Variants in ASIC2 observed in about 807,000 individuals in gnomAD.
The protein encoded by ASIC2 is acid sensing ion channel subunit 2, also known as acid-sensing ion channel 2.
Under a neutral mutation model 57.3 loss-of-function variants are expected in ASIC2, and 25 were observed. The ratio of observed to expected loss-of-function variants is 0.44; its 90% CI spans 0.32 to 0.61. The LOEUF (loss-of-function observed/expected upper bound fraction) is 0.61, where lower values mean the gene tolerates loss of function less well. Among genes scored for constraint, ASIC2 ranks in the 20% least tolerant of loss-of-function variants. ASIC2 has a pLI of 0.06. For missense variants in ASIC2, 641 were observed against 738.1 expected (o/e 0.87, Z 1.52); for synonymous variants, 319 against 307.5 (o/e 1.04, Z -0.39).
chr17:33,084,009 C>T (rs1340531564), intron 3 of ASIC2, among the ~76,000 whole-genome samples: 1 of 152,140 alleles, frequency 6.6e-6, no homozygotes, highest in Non-Finnish European at 1.5e-5. Flanking sequence ...CAGATTCTGC[C>T]TCCCAGAGCT....
chr17:33,301,316 C>T (rs369153371), intron 1 of ASIC2, among the ~76,000 whole-genome samples: 1 of 152,010 alleles, frequency 6.6e-6, no homozygotes. Context: ...GCTAGGATTG[C>T]AGGTGTGAGC....
intron 1 of ASIC2, chr17:34,039,807 TCCAGTAAACCTGG>T: frequency 6.2e-7 from 1 of 1,609,716 alleles, no homozygotes; most frequent in Non-Finnish European, 8.5e-7. Flanking sequence ...TAACACCTAC[TCCAGTAAACCTGG>T]CCTCCAATAA....
At chr17:33,863,253 C>G (rs1328339517) in intron 1 of ASIC2, among the ~76,000 whole-genome samples, 1 of 152,226 alleles carries the variant, frequency 6.6e-6, no homozygotes, top group Non-Finnish European at 1.5e-5. Flanking sequence ...GGAGAGAAGA[C>G]TTTATCAGGT....
chr17:33,170,254 C>A (rs182945303), intron 1 of ASIC2, among the ~76,000 whole-genome samples: 2 of 152,174 alleles, frequency 1.3e-5, no homozygotes, highest in East Asian at 1.9e-4. Flanking sequence ...GTGGCAGGAC[C>A]CTGATTCACA....
chr17:33,235,464 C>T (rs1908259872), intron 1 of ASIC2, among the ~76,000 whole-genome samples: 2 of 152,296 alleles, frequency 1.3e-5, no homozygotes, highest in African/African-American at 4.8e-5. Context: ...CTAATTCCAC[C>T]TCAAATCATT....
chr17:33,274,145 G>C (rs1497358), intron 1 of ASIC2, among the ~76,000 whole-genome samples: 51,027 of 152,082 alleles, frequency 0.34, 8,727 homozygotes, highest in Admixed American at 0.41. Context: ...TGACCACATT[G>C]AGCATCTGTT....
intron 1 of ASIC2, among the ~76,000 whole-genome samples, chr17:33,202,484 G>A (rs987192153): frequency 6.6e-6 from 1 of 152,112 alleles, no homozygotes; most frequent in South Asian, 2.1e-4. Flanking sequence ...GAGATTGTCC[G>A]CCCCATCTGG....
At chr17:33,895,024 C>T (rs413980) in intron 1 of ASIC2, among the ~76,000 whole-genome samples, 5 of 152,048 alleles carry the variant, frequency 3.3e-5, no homozygotes, top group East Asian at 3.9e-4. Context: ...TTTGACGTTG[C>T]GCTGCTGGGT....
chr17:33,635,391 T>C (rs1446588696), intron 1 of ASIC2, among the ~76,000 whole-genome samples: 2 of 152,220 alleles, frequency 1.3e-5, no homozygotes, highest in African/African-American at 2.4e-5. Flanking sequence ...TCGACTATTA[T>C]CTCACGGCTG....
At position 33,292,424 on chromosome 17, in the gene ASIC2, C is replaced by G; in HGVS notation, c.-309G>C. On this transcript the variant is annotated 5_prime_UTR_variant, in exon 1 of 10. Transcript: ENST00000225823. ...GGAGGATGCCCGGCGCCCGGCACTA[C>G]TTCTGGAGGGGTCCCACTGGGAGCC... 1.0e-6 allele frequency: 1 copy of G among 985,776 alleles called. No individual in the cohort carries two copies. The highest frequency in any genetic ancestry group is 1.2e-6 in the Non-Finnish European group (1 of 830,288). 61.1% of individuals were successfully genotyped at this position (985,776 alleles called of 1,614,324 possible). A position where few individuals can be genotyped will look rare whatever the true frequency, so the allele number is the denominator to read the frequency against.
chr17:33,109,763 A>G (rs2092249242), intron 2 of ASIC2, among the ~76,000 whole-genome samples: 2 of 152,150 alleles, frequency 1.3e-5, no homozygotes, highest in Admixed American at 6.5e-5. Context: ...GGGTCCAAAA[A>G]CTTGGGTCAG....
intron 1 of ASIC2, among the ~76,000 whole-genome samples, chr17:33,431,237 C>T (rs1457556752): frequency 2.6e-5 from 4 of 152,106 alleles, no homozygotes; most frequent in African/African-American, 7.2e-5. Flanking sequence ...ACCAGGAGTA[C>T]CCCATCCAGA....
chr17:33,065,894 G>A (rs17735400), intron 3 of ASIC2, among the ~76,000 whole-genome samples: 3,984 of 152,226 alleles, frequency 0.026, 61 homozygotes, highest in Middle Eastern at 0.048. Flanking sequence ...CCACTTTGAC[G>A]GATGAGGCCC....
At chr17:33,438,391 G>A (rs1911702831) in intron 1 of ASIC2, among the ~76,000 whole-genome samples, 1 of 152,338 alleles carries the variant, frequency 6.6e-6, no homozygotes, top group East Asian at 1.9e-4. Context: ...GGAGGGCCAT[G>A]ATGTGCATAA....
chr17:33,089,265 T>A (rs997346848), intron 2 of ASIC2, among the ~76,000 whole-genome samples: 18 of 152,026 alleles, frequency 1.2e-4, no homozygotes, highest in African/African-American at 4.4e-4. Context: ...GAGGTTCCTA[T>A]GAAAGGGAGG....
intron 1 of ASIC2, among the ~76,000 whole-genome samples, chr17:33,435,210 G>A (rs1232460945): frequency 6.6e-6 from 1 of 152,134 alleles, no homozygotes; most frequent in African/African-American, 2.4e-5. Flanking sequence ...TACTAGCAGT[G>A]AACATCCCTG....
chr17:33,528,167 G>GGT (rs56235143), intron 1 of ASIC2, among the ~76,000 whole-genome samples: 5 of 143,406 alleles, frequency 3.5e-5, no homozygotes, highest in Non-Finnish European at 6.1e-5. Context: ...GTATGTGGTA[G>GGT]GTGTGTGTGT....
intron 1 of ASIC2, among the ~76,000 whole-genome samples, chr17:33,404,458 A>G (rs1910396291): frequency 6.6e-6 from 1 of 152,236 alleles, no homozygotes; most frequent in Non-Finnish European, 1.5e-5. Flanking sequence ...TAGAGGATCA[A>G]TCCTAGGCCT....
At chr17:33,187,658 T>C (rs1906249187) in intron 1 of ASIC2, among the ~76,000 whole-genome samples, 2 of 151,912 alleles carry the variant, frequency 1.3e-5, no homozygotes, top group South Asian at 4.1e-4. Context: ...CCACAGACAA[T>C]ATGTGAAAGA....
Sources: gnomAD v4.1 joint callset for allele counts (sites outside exome capture counted in the v4.1 genomes callset) on GRCh38, gnomAD v4.1.1 for gene constraint, MANE v1.5 for transcripts, NCBI Gene and HGNC (gene_info 2026-07-23, HGNC 2026-07-21) for gene names.